NELL1: variants seen among roughly 807,000 people sequenced by gnomAD.
NELL1 encodes the protein neural EGFL like 1.
In NELL1, 76 loss-of-function variants were observed where a neutral mutation model predicts 107.4. The observed-to-expected ratio is 0.71, with a 90% CI of 0.59 to 0.86. The LOEUF is 0.86. Ranked by LOEUF, NELL1 falls within the 40% of genes least tolerant of loss-of-function variation. NELL1 has a pLI of 0.00. For missense variants in NELL1, 1,024 were observed against 1,005.5 expected, an observed-to-expected ratio of 1.02 and a Z score of -0.25; for synonymous variants, 353 against 341.2, an observed-to-expected ratio of 1.03 and a Z score of -0.38.
chr11:21,512,424 T>C (rs1200170860), intron 15 of NELL1, among the ~76,000 whole-genome samples: 1 of 152,194 alleles, frequency 6.6e-6, no homozygotes, highest in Non-Finnish European at 1.5e-5. Flanking sequence ...ATTTTATTAT[T>C]AGGGAGAATG....
chr11:21,334,791 C>T (rs1281615074), intron 14 of NELL1, among the ~76,000 whole-genome samples: 1 of 151,388 alleles, frequency 6.6e-6, no homozygotes, highest in Non-Finnish European at 1.5e-5. Context: ...TTACCAGGAG[C>T]TGGGTTAATC....
rs76624880 is a variant in NELL1 at position 21,489,610 on chromosome 11, G to A, written c.1646-44764G>A. On this transcript the variant is annotated intron_variant, in intron 15 of 19. Coordinates refer to ENST00000357134, the MANE Select transcript of NELL1 (RefSeq NM_006157.5). ...AGGAAAATACACCATGACCAAGTGG[G>A]ATTTACACCAGGACTGCAAGGATGA... is the stretch of plus-strand genomic sequence containing the variant. 0.021 allele frequency among the ~76,000 whole-genome samples: 3,225 copies of A among 151,966 alleles called. 296 individuals carry two copies. In the East Asian group the frequency reaches 0.29, roughly 14 times the overall value.
At chr11:20,846,012 A>G (rs1848696156) in intron 3 of NELL1, among the ~76,000 whole-genome samples, 1 of 152,254 alleles carries the variant, frequency 6.6e-6, no homozygotes, top group South Asian at 2.1e-4. Flanking sequence ...ACTTAGAAGA[A>G]ACTGGAGAAT....
chr11:21,544,019 A>G (rs1856365683), intron 16 of NELL1, among the ~76,000 whole-genome samples: 2 of 151,980 alleles, frequency 1.3e-5, no homozygotes, highest in Admixed American at 1.3e-4. Flanking sequence ...TTTCATTCTC[A>G]GTCTTTTGAA....
At chr11:20,750,606 G>A (rs1478739635) in intron 2 of NELL1, among the ~76,000 whole-genome samples, 2 of 151,402 alleles carry the variant, frequency 1.3e-5, no homozygotes, top group Non-Finnish European at 2.9e-5. Context: ...TTTTGAGACA[G>A]GGTTCTCATT....
At chr11:21,237,919 T>C (rs1858251056) in intron 14 of NELL1, among the ~76,000 whole-genome samples, 1 of 152,064 alleles carries the variant, frequency 6.6e-6, no homozygotes, top group Non-Finnish European at 1.5e-5. Context: ...ATATAACAGC[T>C]TTAAATACCA....
intron 15 of NELL1, among the ~76,000 whole-genome samples, chr11:21,371,852 T>A (rs1851364378): frequency 2.6e-5 from 4 of 152,048 alleles, no homozygotes; most frequent in Admixed American, 2.6e-4. Flanking sequence ...ATAAGCAAAG[T>A]TCTTGTTTCC....
intron 14 of NELL1, among the ~76,000 whole-genome samples, chr11:21,362,147 CA>C (rs1439530465): frequency 6.6e-6 from 1 of 152,116 alleles, no homozygotes; most frequent in Non-Finnish European, 1.5e-5. Context: ...GTCTGAAACT[CA>C]AGGCCTGCTG....
At chr11:20,966,799 C>G (rs1851395175) in intron 12 of NELL1, among the ~76,000 whole-genome samples, 1 of 152,074 alleles carries the variant, frequency 6.6e-6, no homozygotes, top group Non-Finnish European at 1.5e-5. Context: ...GCTCTCCTAC[C>G]CACTTGAAAT....
chr11:20,673,918 G>A (rs1853983196), intron 1 of NELL1, among the ~76,000 whole-genome samples: 1 of 151,778 alleles, frequency 6.6e-6, no homozygotes, highest in Non-Finnish European at 1.5e-5. Flanking sequence ...CTTATTAATA[G>A]GTTTTCTGAT....
chr11:20,741,727 C>A (rs16906729), intron 2 of NELL1, among the ~76,000 whole-genome samples: 6,439 of 152,178 alleles, frequency 0.042, 457 homozygotes, highest in African/African-American at 0.15. Flanking sequence ...TGGAACACTC[C>A]AAGTCTTTAT....
chr11:21,268,875 T>A (rs1307382525), intron 14 of NELL1, among the ~76,000 whole-genome samples: 5 of 152,070 alleles, frequency 3.3e-5, no homozygotes, highest in Admixed American at 3.3e-4. Flanking sequence ...ACAGGTATGG[T>A]TAACATGAAA....
At chr11:20,996,122 TA>T (rs1852085756) in intron 12 of NELL1, among the ~76,000 whole-genome samples, 1 of 152,212 alleles carries the variant, frequency 6.6e-6, no homozygotes, top group Non-Finnish European at 1.5e-5. Flanking sequence ...CTGTTCTTAA[TA>T]AAAGGAGGAC....
chr11:20,959,419 A>C (rs1362814024), intron 11 of NELL1, among the ~76,000 whole-genome samples: 1 of 152,206 alleles, frequency 6.6e-6, no homozygotes, highest in African/African-American at 2.4e-5. Flanking sequence ...ACATGGAACC[A>C]ACCCAAATGC....
chr11:21,011,932 T>A (rs1323423867), intron 12 of NELL1, among the ~76,000 whole-genome samples: 1 of 152,198 alleles, frequency 6.6e-6, no homozygotes, highest in Non-Finnish European at 1.5e-5. Context: ...TGGAGTTATT[T>A]CTATCACTGT....
intron 15 of NELL1, among the ~76,000 whole-genome samples, chr11:21,396,770 C>T (rs935302331): frequency 5.9e-5 from 9 of 151,262 alleles, no homozygotes; most frequent in Admixed American, 2.0e-4. Flanking sequence ...GGCATGTGTA[C>T]GGAACATTAA....
intron 12 of NELL1, among the ~76,000 whole-genome samples, chr11:21,006,707 G>A (rs1437168197): frequency 2.0e-5 from 3 of 152,044 alleles, no homozygotes; most frequent in Non-Finnish European, 4.4e-5. Context: ...ACGCCTCTCA[G>A]GGTTGAAAGC....
At chr11:20,994,816 G>C (rs942918354) in intron 12 of NELL1, among the ~76,000 whole-genome samples, 1 of 152,158 alleles carries the variant, frequency 6.6e-6, no homozygotes. Context: ...ATATGAAAAT[G>C]AATTTTAATT....
At chr11:20,714,501 C>T (rs1465983183) in intron 2 of NELL1, among the ~76,000 whole-genome samples, 2 of 145,802 alleles carry the variant, frequency 1.4e-5, no homozygotes, top group Non-Finnish European at 3.0e-5. Flanking sequence ...AACCATCATG[C>T]CTGGCCCTGA....
Sources: allele counts gnomAD v4.1 joint callset (sites outside exome capture counted in the v4.1 genomes callset), GRCh38; gene constraint gnomAD v4.1.1; transcripts MANE v1.5; gene names NCBI Gene and HGNC (gene_info 2026-07-23, HGNC 2026-07-21).